Variants in ADAMTS3 observed in about 807,000 individuals in gnomAD.
ADAMTS3 encodes A disintegrin and metalloproteinase with thrombospondin motifs 3.
In ADAMTS3, 73 loss-of-function variants were observed where a neutral mutation model predicts 129.0. The ratio of observed to expected loss-of-function variants is 0.57; its 90% CI spans 0.47 to 0.69. ADAMTS3 has a LOEUF of 0.69. ADAMTS3 is among the 30% of genes least tolerant of loss of function. ADAMTS3 has a pLI of 0.00. For synonymous variants in ADAMTS3, 477 were observed against 510.8 expected (o/e 0.93, Z 0.89); for missense variants, 1,457 against 1,514.5 (o/e 0.96, Z 0.63).
At chr4:72,476,635 C>T (rs1414067037) in intron 3 of ADAMTS3, among the ~76,000 whole-genome samples, 2 of 151,924 alleles carry the variant, frequency 1.3e-5, no homozygotes, top group African/African-American at 2.4e-5. Flanking sequence ...TTACACTAAT[C>T]CCCAAACTAG....
intron 4 of ADAMTS3, among the ~76,000 whole-genome samples, chr4:72,400,237 A>G (rs111216557): frequency 6.9e-6 from 1 of 145,684 alleles, no homozygotes. Flanking sequence ...GTGTGTATAT[A>G]TGCACACATG....
At chr4:72,431,420 G>C (rs559940872) in intron 3 of ADAMTS3, among the ~76,000 whole-genome samples, 287 of 152,024 alleles carry the variant, frequency 1.9e-3, no homozygotes, top group African/African-American at 6.7e-3. Context: ...AATTTGAACT[G>C]CTCTAAAATC....
At chr4:72,372,590 A>G (rs1673001723) in intron 4 of ADAMTS3, among the ~76,000 whole-genome samples, 1 of 152,046 alleles carries the variant, frequency 6.6e-6, no homozygotes, top group African/African-American at 2.4e-5. Flanking sequence ...AAAATAATCT[A>G]TTGACAAACT....
chr4:72,326,682 T>C (rs1719707549), intron 5 of ADAMTS3, among the ~76,000 whole-genome samples: 1 of 152,066 alleles, frequency 6.6e-6, no homozygotes, highest in East Asian at 1.9e-4. Context: ...CTATCCCCCA[T>C]CCATGCACAA....
intron 13 of ADAMTS3, among the ~76,000 whole-genome samples, chr4:72,311,401 A>C (rs1339022854): frequency 6.6e-6 from 1 of 152,122 alleles, no homozygotes; most frequent in Non-Finnish European, 1.5e-5. Flanking sequence ...AAACTAGAAA[A>C]GGGGTTCTAG....
chr4:72,342,359 CTTTTT>C (rs58586015), intron 4 of ADAMTS3, among the ~76,000 whole-genome samples: 10 of 127,262 alleles, frequency 7.9e-5, no homozygotes, highest in Admixed American at 1.6e-4. Flanking sequence ...TCCCCAATTA[CTTTTT>C]TTTTTTTTTT....
chr4:72,366,541 G>C (rs1367545914), intron 4 of ADAMTS3, among the ~76,000 whole-genome samples: 3 of 152,066 alleles, frequency 2.0e-5, no homozygotes, highest in Admixed American at 6.6e-5. Flanking sequence ...GTTCCTTATA[G>C]TAAGCTCCCT....
chr4:72,532,984 A>G (rs191529407), intron 3 of ADAMTS3, among the ~76,000 whole-genome samples: 270 of 152,272 alleles, frequency 1.8e-3, no homozygotes, highest in Non-Finnish European at 2.2e-3. Context: ...TGTAAGCACC[A>G]CACTTAGGCT....
intron 3 of ADAMTS3, among the ~76,000 whole-genome samples, chr4:72,498,397 A>T (rs1398888009): frequency 6.6e-6 from 1 of 152,046 alleles, no homozygotes; most frequent in Non-Finnish European, 1.5e-5. Context: ...TATTGAGAGT[A>T]ATAGAAGTCA....
At chr4:72,465,810 T>C (rs929580431) in intron 3 of ADAMTS3, among the ~76,000 whole-genome samples, 1 of 152,104 alleles carries the variant, frequency 6.6e-6, no homozygotes, top group African/African-American at 2.4e-5. Context: ...GGGGCAGGTT[T>C]CCCCCATACT....
intron 3 of ADAMTS3, among the ~76,000 whole-genome samples, chr4:72,530,507 T>C (rs1444755703): frequency 2.2e-5 from 2 of 90,440 alleles, no homozygotes; most frequent in East Asian, 3.4e-4. Flanking sequence ...TACAAATATA[T>C]ATTTATATAT....
chr4:72,297,639 C>T (rs533407923), intron 18 of ADAMTS3, among the ~76,000 whole-genome samples: 15 of 152,106 alleles, frequency 9.9e-5, no homozygotes, highest in South Asian at 2.1e-4. Flanking sequence ...GGAGAGGGAA[C>T]GGAGGCAGCA....
intron 4 of ADAMTS3, among the ~76,000 whole-genome samples, chr4:72,354,420 T>G (rs1027116155): frequency 1.3e-4 from 20 of 151,966 alleles, no homozygotes; most frequent in African/African-American, 4.6e-4. Flanking sequence ...ATCACACATT[T>G]TCTTTATTGA....
intron 3 of ADAMTS3, among the ~76,000 whole-genome samples, chr4:72,438,229 A>T (rs533108533): frequency 6.6e-6 from 1 of 151,800 alleles, no homozygotes; most frequent in Admixed American, 6.6e-5. Flanking sequence ...TTGTTTATAA[A>T]TGTCTTTCCT....
intron 3 of ADAMTS3, among the ~76,000 whole-genome samples, chr4:72,457,619 CT>C (rs1470426096): frequency 6.6e-6 from 1 of 151,544 alleles, no homozygotes; most frequent in Non-Finnish European, 1.5e-5. Context: ...AAAACTTTGC[CT>C]GCTCTAACCC....
intron 4 of ADAMTS3, among the ~76,000 whole-genome samples, chr4:72,405,943 G>C (rs534631043): frequency 9.5e-4 from 144 of 152,260 alleles, no homozygotes; most frequent in African/African-American, 3.4e-3. Flanking sequence ...CTCCTACTCT[G>C]TTTTGGAGAT....
Position 72,288,608 on chromosome 4 carries a change from A to G in ADAMTS3, c.3049+143T>C. On this transcript the variant is annotated intron_variant, in intron 21 of 21. Transcript: ENST00000286657. The stretch of plus-strand genomic sequence containing the variant: ...TCAAATGCTGATCTTAAAGAACTGA[A>G]CTGGACTAATATTTCACAGGTGTTT... The G allele has an allele frequency of 3.1e-6, 2 of 635,442 alleles. 1 individual carries two copies. Among genetic ancestry groups the G allele is most frequent in the South Asian group, 3.8e-5 (2 of 52,174 alleles). 39.4% of individuals were successfully genotyped at this position (635,442 alleles called of 1,614,324 possible). A position where few individuals can be genotyped will look rare whatever the true frequency, so the allele number is the denominator to read the frequency against.
chr4:72,510,990 C>T (rs144791905), intron 3 of ADAMTS3, among the ~76,000 whole-genome samples: 1 of 152,048 alleles, frequency 6.6e-6, no homozygotes, highest in East Asian at 1.9e-4. Context: ...ACAGTGAACT[C>T]ATTTTCTACA....
rs199759132 is a variant in ADAMTS3, at chr4:72,455,635, A to C, written c.505-40664T>G. Among the ~76,000 whole-genome samples, 5 of 139,378 alleles carry C rather than the reference A, an allele frequency of 3.6e-5. No homozygotes were observed. In the East Asian group the frequency reaches 6.3e-4, roughly 18 times the overall value. The allele number at this position is 139,378 out of a possible 152,430, so 91.4% of individuals were successfully genotyped here. A position where few individuals can be genotyped will look rare whatever the true frequency, so the allele number is the denominator to read the frequency against. Reference sequence around the variant, plus strand: ...CTTAAAGTATTAAAAAAAAAAAAAAAGAAAGAAAGAAATATGTTGGACAGT... The same window carrying C: ...CTTAAAGTATTAAAAAAAAAAAAAACGAAAGAAAGAAATATGTTGGACAGT... On this transcript the variant is annotated intron_variant, in intron 3 of 21. Transcript: ENST00000286657.
Sources: gnomAD v4.1 joint callset for allele counts (sites outside exome capture counted in the v4.1 genomes callset) on GRCh38, gnomAD v4.1.1 for gene constraint, MANE v1.5 for transcripts, NCBI Gene and HGNC (gene_info 2026-07-23, HGNC 2026-07-21) for gene names.